PDE4D: variants seen among roughly 807,000 people sequenced by gnomAD.
PDE4D encodes 3',5'-cyclic-AMP phosphodiesterase 4D.
Under a neutral mutation model 87.4 loss-of-function variants are expected in PDE4D, and 24 were observed. That is an observed-to-expected ratio of 0.27 (90% CI 0.20 to 0.39). PDE4D has a LOEUF of 0.39. Among genes scored for constraint, PDE4D ranks in the 10% least tolerant of loss-of-function variants. The probability of loss-of-function intolerance (pLI) is 1.00; values close to 1 mark genes in which losing one functional copy is unlikely to be tolerated. For missense variants in PDE4D, 714 were observed against 1,041.0 expected, an observed-to-expected ratio of 0.69 and a Z score of 4.32; for synonymous variants, 384 against 383.2, an observed-to-expected ratio of 1.00 and a Z score of -0.02.
At chr5:59,142,991 A>G (rs1461589975) in intron 5 of PDE4D, among the ~76,000 whole-genome samples, 1 of 152,224 alleles carries the variant, frequency 6.6e-6, no homozygotes, top group Admixed American at 6.5e-5. Flanking sequence ...TAAAATTTAT[A>G]TTCATGAAAA....
intron 3 of PDE4D, among the ~76,000 whole-genome samples, chr5:59,912,789 T>C (rs1418716351): frequency 2.0e-5 from 3 of 152,238 alleles, no homozygotes; most frequent in Non-Finnish European, 4.4e-5. Context: ...TCAAGGCTGC[T>C]ACCCTCTGTA....
chr5:60,493,367 GA>G (rs771858404), intron 1 of PDE4D, among the ~76,000 whole-genome samples: 1 of 152,228 alleles, frequency 6.6e-6, no homozygotes, highest in Non-Finnish European at 1.5e-5. Flanking sequence ...CAAAATACAT[GA>G]ACCATGTCTG....
chr5:59,982,851 T>C (rs1168364265), intron 3 of PDE4D, among the ~76,000 whole-genome samples: 1 of 152,138 alleles, frequency 6.6e-6, no homozygotes, highest in East Asian at 1.9e-4. Flanking sequence ...TTCCAATAAG[T>C]AAACAAATAT....
chr5:60,132,408 T>C (rs1463903276), intron 2 of PDE4D, among the ~76,000 whole-genome samples: 1 of 152,168 alleles, frequency 6.6e-6, no homozygotes, highest in Non-Finnish European at 1.5e-5. Context: ...CCAGAAAGAA[T>C]TTACATGTTG....
chr5:60,441,111 A>G (rs1745169976), intron 1 of PDE4D, among the ~76,000 whole-genome samples: 1 of 152,174 alleles, frequency 6.6e-6, no homozygotes, highest in Non-Finnish European at 1.5e-5. Flanking sequence ...TATGGAACCA[A>G]AAAAGAGCCT....
intron 1 of PDE4D, among the ~76,000 whole-genome samples, chr5:59,719,561 G>A (rs911075664): frequency 6.6e-6 from 1 of 152,044 alleles, no homozygotes; most frequent in African/African-American, 2.4e-5. Context: ...TAGTACTCCT[G>A]AGCTGGTACT....
chr5:59,749,374 C>T (rs1760096610), intron 1 of PDE4D, among the ~76,000 whole-genome samples: 1 of 152,134 alleles, frequency 6.6e-6, no homozygotes, highest in Admixed American at 6.6e-5. Context: ...GATGATTCTC[C>T]TGCCTCAGAC....
chr5:59,942,477 T>C (rs1408920253), intron 3 of PDE4D, among the ~76,000 whole-genome samples: 1 of 152,108 alleles, frequency 6.6e-6, no homozygotes, highest in Admixed American at 6.6e-5. Flanking sequence ...TCTGAGCTAG[T>C]GTCCTGGACA....
intron 1 of PDE4D, among the ~76,000 whole-genome samples, chr5:59,550,764 T>C (rs1817985399): frequency 6.6e-6 from 1 of 151,196 alleles, no homozygotes; most frequent in Admixed American, 6.6e-5. Context: ...GTGGCATGAC[T>C]CAGCTTACTG....
chr5:59,695,172 G>A (rs1580476454), intron 1 of PDE4D, among the ~76,000 whole-genome samples: 2 of 150,952 alleles, frequency 1.3e-5, no homozygotes, highest in East Asian at 1.9e-4. Context: ...CCAAACATCC[G>A]GGCTTCAATA....
intron 2 of PDE4D, among the ~76,000 whole-genome samples, chr5:59,209,294 T>G (rs1749543443): frequency 6.6e-6 from 1 of 152,110 alleles, no homozygotes; most frequent in Non-Finnish European, 1.5e-5. Flanking sequence ...CAAGTGATCC[T>G]CCTGCTTCAG....
intron 3 of PDE4D, among the ~76,000 whole-genome samples, chr5:59,191,838 T>C (rs1455986591): frequency 6.6e-6 from 1 of 152,174 alleles, no homozygotes; most frequent in Admixed American, 6.5e-5. Context: ...CCCAAAGTGC[T>C]GGGATTACAG....
chr5:59,105,884 C>G (rs1036119260), intron 5 of PDE4D, among the ~76,000 whole-genome samples: 1 of 152,068 alleles, frequency 6.6e-6, no homozygotes. Context: ...GAGAATCTCC[C>G]CATAGGAGGG....
intron 1 of PDE4D, among the ~76,000 whole-genome samples, chr5:60,286,154 C>T (rs1752396590): frequency 6.6e-6 from 1 of 152,118 alleles, no homozygotes; most frequent in Non-Finnish European, 1.5e-5. Context: ...ACCCGGGAAA[C>T]ATGATAATTC....
At chr5:59,296,800 C>T (rs200975201) in intron 1 of PDE4D, among the ~76,000 whole-genome samples, 5 of 151,242 alleles carry the variant, frequency 3.3e-5, no homozygotes, top group African/African-American at 4.9e-5. Context: ...CACACACACG[C>T]GTGCATGCAC....
intron 1 of PDE4D, chr5:59,587,646 CAG>C: frequency 3.0e-6 from 3 of 983,880 alleles, no homozygotes; most frequent in Non-Finnish European, 2.4e-6. Context: ...GGCTCAGCTG[CAG>C]AGACTGCTGC....
At chr5:60,506,401 A>G (rs550285273) in intron 1 of PDE4D, among the ~76,000 whole-genome samples, 2 of 152,224 alleles carry the variant, frequency 1.3e-5, no homozygotes, top group Non-Finnish European at 1.5e-5. Flanking sequence ...AATTAATGCA[A>G]AAGCACTACT....
At chr5:59,008,432 C>T (rs1561291104) in intron 6 of PDE4D, among the ~76,000 whole-genome samples, 1 of 151,950 alleles carries the variant, frequency 6.6e-6, no homozygotes, top group Non-Finnish European at 1.5e-5. Flanking sequence ...ACACATATCA[C>T]TTTAATATGT....
At chr5:59,592,013 A>T (rs1384040121) in intron 1 of PDE4D, 1 of 278,276 alleles carries the variant, frequency 3.6e-6, no homozygotes, top group East Asian at 1.7e-4. Flanking sequence ...TTTTTATTGC[A>T]TATATCATCA....
Sources: gnomAD v4.1 joint callset for allele counts (sites outside exome capture counted in the v4.1 genomes callset) on GRCh38, gnomAD v4.1.1 for gene constraint, MANE v1.5 for transcripts, NCBI Gene and HGNC (gene_info 2026-07-23, HGNC 2026-07-21) for gene names.